Variants in KIF7 observed in about 807,000 individuals in gnomAD.
KIF7 encodes kinesin-like protein KIF7.
Under a neutral mutation model 135.7 loss-of-function variants are expected in KIF7, and 104 were observed. That is an observed-to-expected ratio of 0.77 (90% CI 0.65 to 0.90). The LOEUF (loss-of-function observed/expected upper bound fraction) is 0.90, where lower values mean the gene tolerates loss of function less well. KIF7 is among the 40% of genes least tolerant of loss of function. The pLI is 0.00. For missense variants in KIF7, 2,005 were observed against 1,839.1 expected (o/e 1.09, Z -1.65); for synonymous variants, 883 against 809.4 (o/e 1.09, Z -1.54).
At chr15:89,660,926 C>A in the KIF7 span, among the ~76,000 whole-genome samples, 2 of 152,194 alleles carry the variant, frequency 1.3e-5, no homozygotes, top group Non-Finnish European at 2.9e-5. Flanking sequence ...TGAAATAGCA[C>A]CCCTGGTGCA....
Position 89,631,524 on chromosome 15 carries a change from G to T in KIF7, c.3082C>A (p.Leu1028Met), listed in dbSNP as rs1963676043. 3.2e-6 allele frequency: 5 copies of T among 1,582,194 alleles called. No homozygotes were observed. The highest frequency in any genetic ancestry group is 4.6e-5 in the East Asian group (2 of 43,438). The change falls in exon 15 of 19, where the codon CTG becomes ATG. Residue 1028 changes from leucine to methionine, a missense_variant. Coordinates refer to ENST00000394412, the MANE Select transcript of KIF7 (RefSeq NM_198525.3). ...GGGGACAGCAGACTCCCCTGCCTCAGCTTGCCGTCGATCTCCAGGCGCTGC... is the reference window on the plus strand; with the variant it reads ...GGGGACAGCAGACTCCCCTGCCTCATCTTGCCGTCGATCTCCAGGCGCTGC... Reference protein sequence around the residue: ...LKQRLEIDGKLRQGSLLSPEE... With the variant: ...LKQRLEIDGKMRQGSLLSPEE...
chr15:89,650,450 G>A (rs1964106137), intron 2 of KIF7, among the ~76,000 whole-genome samples: 1 of 152,180 alleles, frequency 6.6e-6, no homozygotes, highest in African/African-American at 2.4e-5. Context: ...CTGGAGGGCA[G>A]TGGCGTGATC....
chr15:89,626,535 G>T (rs1170012290), downstream of KIF7, among the ~76,000 whole-genome samples: 2 of 152,126 alleles, frequency 1.3e-5, no homozygotes, highest in Non-Finnish European at 2.9e-5. Flanking sequence ...CAAGGATTTG[G>T]CCTGTTAACT....
chr15:89,646,117 C>T (rs1338481043), intron 7 of KIF7, 91 bp from the exon 8 acceptor site: 23 of 1,503,352 alleles, frequency 1.5e-5, no homozygotes, highest in Non-Finnish European at 2.0e-5. Flanking sequence ...CCTCCTCAAG[C>T]CCTGCCTTAC....
chr15:89,642,502 G>A, intron 10 of KIF7, 97 bp from the exon 11 acceptor site: 1 of 1,033,664 alleles, frequency 9.7e-7, no homozygotes, highest in Non-Finnish European at 1.4e-6. Flanking sequence ...TTGGACACCT[G>A]TGTGGGTTTC....
At chr15:89,639,321 C>G (rs1237455066) in intron 11 of KIF7, among the ~76,000 whole-genome samples, 7 of 151,124 alleles carry the variant, frequency 4.6e-5, no homozygotes, top group Non-Finnish European at 1.0e-4. Flanking sequence ...AGCTTCTGCA[C>G]AGCAAAAGAA....
At chr15:89,634,406 TCTGAGGTA>T (rs1389567946) in intron 11 of KIF7, among the ~76,000 whole-genome samples, 1 of 152,126 alleles carries the variant, frequency 6.6e-6, no homozygotes, top group Non-Finnish European at 1.5e-5. Flanking sequence ...TGCATTTCCA[TCTGAGGTA>T]CTGGGTTCAT....
upstream of KIF7, chr15:89,655,507 CT>C (rs1567070992): frequency 2.0e-5 from 3 of 152,190 alleles, no homozygotes; most frequent in South Asian, 2.1e-4. Flanking sequence ...CAGCCCCCCC[CT>C]CACCCGCAAC....
chr15:89,644,642 G>A (rs995542288), intron 10 of KIF7, among the ~76,000 whole-genome samples: 6 of 152,050 alleles, frequency 3.9e-5, no homozygotes, highest in African/African-American at 9.7e-5. Flanking sequence ...CCAAGATCAC[G>A]CCACTGCACT....
In KIF7 at chr15:89,632,936, G is replaced by A. The variant is rs766347192; in HGVS notation, c.2779C>T (p.Arg927Trp). ...QEMEKVLQQR[R>W]ALEELGEELH... is the part of the protein sequence containing the mutation. ...TCCTCCCCCAGCTCCTCCAGCGCCC[G>A]CCGCTGCTGTAGCACCTTCTCCATC... The change falls in exon 14 of 19, where the codon CGG (arginine) becomes TGG (tryptophan). Residue 927 changes from arginine to tryptophan, a missense_variant. Physicochemically the swap from Arg to Trp is moderately radical, Grantham distance 101. Coordinates refer to ENST00000394412, the MANE Select transcript of KIF7 (RefSeq NM_198525.3). 1.6e-5 allele frequency: 25 copies of A among 1,587,400 alleles called. No homozygotes were observed. Among genetic ancestry groups the A allele is most frequent in the Admixed American group, 1.4e-4 (8 of 58,440 alleles).
rs747377638 is a variant in KIF7, at chr15:89,647,691, G to A, written c.1465C>T (p.Leu489=). 18 of 1,588,252 alleles carry A rather than the reference G, an allele frequency of 1.1e-5. No homozygotes were observed. In the African/African-American group the frequency reaches 2.4e-4, roughly 21 times the overall value. ...GRKEDEGAQQ[L]LTLQNQVARL... is the part of the protein sequence containing the mutation. Reference sequence around the variant, plus strand: ...GCCACCTGGTTCTGCAGGGTCAGCAGCTGCTGCGCCCCCTCATCCTCCTAT... The same window carrying A: ...GCCACCTGGTTCTGCAGGGTCAGCAACTGCTGCGCCCCCTCATCCTCCTAT... Residue 489 remains leucine (L), a synonymous_variant, in exon 6 of 19, where the codon CTG becomes TTG. Coordinates refer to ENST00000394412, the MANE Select transcript of KIF7 (RefSeq NM_198525.3).
At chr15:89,642,566 C>A (rs1319064755) in intron 10 of KIF7, among the ~76,000 whole-genome samples, 161 bp from the exon 11 acceptor site, 3 of 151,972 alleles carry the variant, frequency 2.0e-5, no homozygotes, top group Non-Finnish European at 4.4e-5. Context: ...TTCTTCAAAT[C>A]AACTCTATTT....
At chr15:89,655,490 C>T (rs1180308208), upstream of KIF7, 4 of 152,168 alleles carry the variant, frequency 2.6e-5, no homozygotes, top group African/African-American at 9.7e-5. Flanking sequence ...ACCCCCGCCC[C>T]CCAAACCAGC....
rs1964174007 is a variant in KIF7 at position 89,654,327 on chromosome 15, G to GA, written c.-25+1071_-25+1072insT. 9.0e-4 allele frequency among the ~76,000 whole-genome samples: 5 copies of GA among 5,550 alleles called. No individual in the cohort carries two copies. In the South Asian group the frequency reaches 0.068, roughly 75 times the overall value. The allele number at this position is 5,550 out of a possible 152,430, so 3.6% of individuals were successfully genotyped here. A position where few individuals can be genotyped will look rare whatever the true frequency, so the allele number is the denominator to read the frequency against. ...CCCGGCCTGGGATTCAAAATATTAA[G>GA]GGGAAAAAAAAAAAAGACAAGCCTT... On this transcript the variant is annotated intron_variant, in intron 1 of 18. Coordinates refer to ENST00000394412, the MANE Select transcript of KIF7 (RefSeq NM_198525.3).
intron 10 of KIF7, among the ~76,000 whole-genome samples, chr15:89,643,870 T>C (rs1249709658): frequency 5.0e-5 from 6 of 119,524 alleles, no homozygotes; most frequent in Non-Finnish European, 9.8e-5. Context: ...GGCAACAGAG[T>C]GAGACTCCGT....
In KIF7 at chr15:89,628,043, ATACAT is replaced by A. The variant is rs1374157131; in HGVS notation, c.*371_*375del. On this transcript the variant is annotated 3_prime_UTR_variant, in exon 19 of 19. Coordinates refer to ENST00000394412, the MANE Select transcript of KIF7 (RefSeq NM_198525.3). ...CCTAAAGTCTCCCAGTTTCCCCTAT[ATACAT>A]AAGACCATTTAAACCACAACCTGGT... The A allele has an allele frequency of 5.3e-6, 1 of 190,360 alleles. No homozygotes were observed. Among genetic ancestry groups the A allele is most frequent in the Non-Finnish European group, 1.1e-5 (1 of 93,740 alleles). The allele number at this position is 190,360 out of a possible 1,614,324, so 11.8% of individuals were successfully genotyped here. A position where few individuals can be genotyped will look rare whatever the true frequency, so the allele number is the denominator to read the frequency against.
intron 12 of KIF7, 100 bp downstream of exon 12, chr15:89,633,586 G>T: frequency 7.8e-7 from 1 of 1,277,300 alleles, no homozygotes; most frequent in South Asian, 1.3e-5. Flanking sequence ...CTAAGGTCAC[G>T]TGGCTGTGGG....
At chr15:89,633,651 T>G in intron 12 of KIF7, 35 bp downstream of exon 12, 1 of 1,599,110 alleles carries the variant, frequency 6.3e-7, no homozygotes, top group African/African-American at 1.3e-5. Flanking sequence ...CCTATTGGCC[T>G]GGACAGAAGG....
downstream of KIF7, chr15:89,625,138 G>A (rs1441879016): frequency 6.2e-7 from 1 of 1,613,758 alleles, no homozygotes; most frequent in Non-Finnish European, 8.5e-7. Context: ...CATGCCCAGG[G>A]CCAGCAGGTC....
Sources: gnomAD v4.1 joint callset for allele counts (sites outside exome capture counted in the v4.1 genomes callset) on GRCh38, gnomAD v4.1.1 for gene constraint, MANE v1.5 for transcripts, NCBI Gene and HGNC (gene_info 2026-07-23, HGNC 2026-07-21) for gene names.